Variants in EPHB2 observed in about 807,000 individuals in gnomAD.
EPHB2 encodes EPH receptor B2, also known as ephrin type-B receptor 2.
In EPHB2, 18 loss-of-function variants were observed where a neutral mutation model predicts 96.4. The ratio of observed to expected loss-of-function variants is 0.19; its 90% CI spans 0.13 to 0.28. The LOEUF is 0.28. Ranked by LOEUF, EPHB2 falls within the 10% of genes least tolerant of loss-of-function variation. The probability of loss-of-function intolerance (pLI) is 1.00; values close to 1 mark genes in which losing one functional copy is unlikely to be tolerated. For missense variants in EPHB2, 989 were observed against 1,355.4 expected (o/e 0.73, Z 4.25); for synonymous variants, 506 against 534.1 (o/e 0.95, Z 0.72).
intron 1 of EPHB2, 103 bp from the exon 2 acceptor site, chr1:22,781,317 CT>C (rs1278260454): frequency 1.1e-6 from 1 of 886,524 alleles, no homozygotes; most frequent in Non-Finnish European, 1.6e-6. Flanking sequence ...CAGACTCCGT[CT>C]AAAAAAAAAA....
At chr1:22,718,737 C>T (rs189230846) in intron 1 of EPHB2, among the ~76,000 whole-genome samples, 4 of 152,270 alleles carry the variant, frequency 2.6e-5, no homozygotes, top group Admixed American at 6.5e-5. Context: ...ATGTGTGTTG[C>T]CTTGTGCAGT....
chr1:22,890,591 G>A (rs1639359187), intron 6 of EPHB2, among the ~76,000 whole-genome samples: 1 of 152,072 alleles, frequency 6.6e-6, no homozygotes, highest in Admixed American at 6.6e-5. Context: ...ACTCACGAGG[G>A]AGCTTTCCTG....
At chr1:22,730,474 G>C (rs954256406) in intron 1 of EPHB2, among the ~76,000 whole-genome samples, 2 of 152,210 alleles carry the variant, frequency 1.3e-5, no homozygotes, top group African/African-American at 2.4e-5. Flanking sequence ...CTAATGGACA[G>C]GACTGATGCC....
chr1:22,733,110 G>A lies in EPHB2; in HGVS notation c.61+22067G>A, dbSNP rs1643753747. ...GTCGCCCAGACTGGAATGCAATGGC[G>A]TAGTCTTGGCTCACTGCAACCTCTG... On this transcript the variant is annotated intron_variant, in intron 1 of 15. Transcript: ENST00000374630. The surrounding 1 kb of genome is among the most constrained non-coding windows in gnomAD (Gnocchi z 4.6). Among the ~76,000 whole-genome samples, 1 of 151,786 alleles carries A rather than the reference G, an allele frequency of 6.6e-6. No individual in the cohort carries two copies. The highest frequency in any genetic ancestry group is 6.6e-5 in the Admixed American group (1 of 15,236).
chr1:22,771,754 T>A (rs369299326), intron 1 of EPHB2, among the ~76,000 whole-genome samples: 1 of 152,220 alleles, frequency 6.6e-6, no homozygotes, highest in Non-Finnish European at 1.5e-5. Context: ...GATACTTCTT[T>A]ACCTGCTGAA....
Sources: allele counts gnomAD v4.1 joint callset (sites outside exome capture counted in the v4.1 genomes callset), GRCh38; gene constraint gnomAD v4.1.1; non-coding constraint Gnocchi (gnomAD v3.1); transcripts MANE v1.5; gene names NCBI Gene and HGNC (gene_info 2026-07-23, HGNC 2026-07-21).